Variants in KCNQ5 observed in about 807,000 individuals in gnomAD.
KCNQ5 encodes potassium voltage-gated channel subfamily Q member 5.
Under a neutral mutation model 98.2 loss-of-function variants are expected in KCNQ5, and 30 were observed. The ratio of observed to expected loss-of-function variants is 0.31; its 90% CI spans 0.23 to 0.41. The LOEUF (loss-of-function observed/expected upper bound fraction) is 0.41, where lower values mean the gene tolerates loss of function less well. KCNQ5 is among the 10% of genes least tolerant of loss of function. The probability of loss-of-function intolerance (pLI) is 1.00; values close to 1 mark genes in which losing one functional copy is unlikely to be tolerated. For missense variants in KCNQ5, 835 were observed against 1,182.5 expected (o/e 0.71, Z 4.31); for synonymous variants, 458 against 449.4 (o/e 1.02, Z -0.24).
intron 1 of KCNQ5, among the ~76,000 whole-genome samples, chr6:72,995,324 C>T (rs1231327037): frequency 5.4e-5 from 8 of 148,520 alleles, no homozygotes; most frequent in Admixed American, 4.7e-4. Flanking sequence ...GCTGAGATTG[C>T]GCCATTGCAC....
Position 72,675,256 on chromosome 6 carries a change from G to C in KCNQ5, c.398+52669G>C, listed in dbSNP as rs914271871. On this transcript the variant is annotated intron_variant, in intron 1 of 13. Transcript: ENST00000370398. ...CTGTCTTGAGGACACATAAGGCTTAGTAGTCATGAACATATTTGTTATCAA... is the reference window on the plus strand; with the variant it reads ...CTGTCTTGAGGACACATAAGGCTTACTAGTCATGAACATATTTGTTATCAA... Among the ~76,000 whole-genome samples, 4 of 152,264 alleles carry C rather than the reference G, an allele frequency of 2.6e-5. No homozygotes were observed. The East Asian group carries it at 7.7e-4, about 29-fold the overall frequency.
intron 1 of KCNQ5, among the ~76,000 whole-genome samples, chr6:72,708,329 T>G (rs950382349): frequency 7.2e-5 from 11 of 152,164 alleles, no homozygotes; most frequent in African/African-American, 2.7e-4. Flanking sequence ...TGGAGAAATA[T>G]TTGGAAAAAT....
intron 1 of KCNQ5, among the ~76,000 whole-genome samples, chr6:72,643,400 G>A (rs1765426736): frequency 6.6e-6 from 1 of 152,134 alleles, no homozygotes; most frequent in Admixed American, 6.6e-5. Context: ...ATTATTTGAT[G>A]TGTGCTAAAC....
At chr6:73,173,049 A>G (rs946117244) in intron 11 of KCNQ5, among the ~76,000 whole-genome samples, 2 of 152,206 alleles carry the variant, frequency 1.3e-5, no homozygotes, top group South Asian at 4.1e-4. Context: ...GCACTCTGAC[A>G]CTTTTTAAAA....
intron 5 of KCNQ5, among the ~76,000 whole-genome samples, chr6:73,078,251 T>G (rs1328397141): frequency 6.6e-6 from 1 of 152,008 alleles, no homozygotes; most frequent in Non-Finnish European, 1.5e-5. Flanking sequence ...GATTTTCCGC[T>G]CTTCAAAAGT....
At chr6:72,803,443 TG>T in intron 1 of KCNQ5, among the ~76,000 whole-genome samples, 1 of 152,284 alleles carries the variant, frequency 6.6e-6, no homozygotes, top group Non-Finnish European at 1.5e-5. Context: ...CAGGCTTTTC[TG>T]AAAGTTTATG....
intron 1 of KCNQ5, among the ~76,000 whole-genome samples, chr6:72,692,374 A>G (rs1270946454): frequency 6.6e-6 from 1 of 152,222 alleles, no homozygotes; most frequent in African/African-American, 2.4e-5. Flanking sequence ...TTGTGCGAGA[A>G]ACATCTGCCT....
chr6:72,644,889 A>C lies in KCNQ5; in HGVS notation c.398+22302A>C, dbSNP rs561444579. Among the ~76,000 whole-genome samples, 407 of 152,292 alleles carry C rather than the reference A, an allele frequency of 2.7e-3. 1 individual carries two copies. The highest frequency in any genetic ancestry group is 3.4e-3 in the Non-Finnish European group (229 of 68,012). On this transcript the variant is annotated intron_variant, in intron 1 of 13. Transcript: ENST00000370398. Reference sequence around the variant, plus strand: ...ATTTGAGCCAAATTGCTCATAGTGAATATTCTCTGAATCAGGCTCCTGGAA... The same window carrying C: ...ATTTGAGCCAAATTGCTCATAGTGACTATTCTCTGAATCAGGCTCCTGGAA...
At chr6:73,057,342 G>C (rs1174799454) in intron 3 of KCNQ5, among the ~76,000 whole-genome samples, 3 of 356 alleles carry the variant, frequency 8.4e-3, no homozygotes, top group Non-Finnish European at 0.027. Context: ...GTGGGGGGAA[G>C]GGGGGGAGGG....
intron 1 of KCNQ5, among the ~76,000 whole-genome samples, chr6:72,627,799 T>G (rs1485861823): frequency 6.6e-6 from 1 of 152,060 alleles, no homozygotes; most frequent in Non-Finnish European, 1.5e-5. Context: ...ATGTGTTTGC[T>G]CATGCTGTTC....
chr6:73,124,878 A>G (rs1173590443), intron 9 of KCNQ5, among the ~76,000 whole-genome samples: 1 of 147,222 alleles, frequency 6.8e-6, no homozygotes, highest in Non-Finnish European at 1.5e-5. Flanking sequence ...CTGAATGTAA[A>G]AAGTCCAGGC....
At chr6:72,953,614 A>G (rs1057167995) in intron 1 of KCNQ5, among the ~76,000 whole-genome samples, 6 of 152,136 alleles carry the variant, frequency 3.9e-5, no homozygotes, top group African/African-American at 1.2e-4. Flanking sequence ...GCCCCCTTTA[A>G]AATCCCTTCA....
intron 1 of KCNQ5, among the ~76,000 whole-genome samples, chr6:72,683,526 C>T (rs575807969): frequency 2.0e-4 from 31 of 152,048 alleles, no homozygotes; most frequent in African/African-American, 7.5e-4. Flanking sequence ...TGCCACCACA[C>T]CCGGCTAATT....
At chr6:73,046,229 T>C (rs1173313247) in intron 3 of KCNQ5, among the ~76,000 whole-genome samples, 1 of 152,210 alleles carries the variant, frequency 6.6e-6, no homozygotes, top group Admixed American at 6.5e-5. Flanking sequence ...CTAAGAGACT[T>C]ACTCTTCAAT....
chr6:72,814,048 G>T (rs1213190360), intron 1 of KCNQ5, among the ~76,000 whole-genome samples: 6 of 152,156 alleles, frequency 3.9e-5, no homozygotes, highest in Admixed American at 6.5e-5. Context: ...AGGATCAGAG[G>T]AGGAAAGAGG....
chr6:72,831,083 G>C (rs190029373), intron 1 of KCNQ5, among the ~76,000 whole-genome samples: 2 of 152,234 alleles, frequency 1.3e-5, no homozygotes, highest in Admixed American at 6.5e-5. Context: ...GAAACAACAG[G>C]TGCTGGAGAG....
At position 72,622,497 on chromosome 6, in the gene KCNQ5, G is replaced by C. The variant is rs1297395874; in HGVS notation, c.308G>C (p.Arg103Pro). Residue 103 changes from arginine to proline, a missense_variant, in exon 1 of 14, where the codon CGG becomes CCG. Around this residue, in one of 10 missense-constraint regions of KCNQ5, gnomAD observed 54 missense variants for 51.5 expected, o/e 1.05. Coordinates refer to ENST00000370398, the MANE Select transcript of KCNQ5 (RefSeq NM_019842.4). The surrounding 1 kb of genome is among the most constrained non-coding windows in gnomAD (Gnocchi z 6.0). ...TCTTACACGAGTAGCCAGAGCTGCC[G>C]GCGCAACGTCAAGTACCGGCGGGTG... ...PLSYTSSQSC[R>P]RNVKYRRVQN... is the part of the protein sequence containing the mutation. 3 of 1,610,238 alleles carry C rather than the reference G, an allele frequency of 1.9e-6. No individual in the cohort carries two copies. The highest frequency in any genetic ancestry group is 3.3e-5 in the Admixed American group (2 of 59,868).
chr6:72,969,914 A>G (rs1253202780), intron 1 of KCNQ5, among the ~76,000 whole-genome samples: 1 of 152,204 alleles, frequency 6.6e-6, no homozygotes, highest in East Asian at 1.9e-4. Flanking sequence ...ACCTCTTGGC[A>G]GGAGTCCTAA....
chr6:73,154,540 TGAGA>T (rs150870806), intron 10 of KCNQ5, among the ~76,000 whole-genome samples: 96 of 151,072 alleles, frequency 6.4e-4, no homozygotes, highest in African/African-American at 2.2e-3. Flanking sequence ...GATGATACAG[TGAGA>T]GAGAGAGAGA....
Sources: gnomAD v4.1 joint callset for allele counts (sites outside exome capture counted in the v4.1 genomes callset) on GRCh38, gnomAD v4.1.1 for gene constraint, gnomAD v4.1.1 regional missense constraint, Gnocchi (gnomAD v3.1) non-coding constraint, MANE v1.5 for transcripts, NCBI Gene and HGNC (gene_info 2026-07-23, HGNC 2026-07-21) for gene names.